The following VWA8 variants were observed in gnomAD, a reference collection of about 807,000 sequenced individuals.
The protein encoded by VWA8 is von Willebrand factor A domain-containing protein 8.
A neutral mutation model predicts 241.5 loss-of-function variants in VWA8; 221 were observed. That is an observed-to-expected ratio of 0.91 (90% confidence interval 0.82 to 1.02). The LOEUF (loss-of-function observed/expected upper bound fraction) is 1.02. Among genes scored for constraint, VWA8 ranks in the 50% least tolerant of loss-of-function variants. The probability of loss-of-function intolerance (pLI) is 0.00; values close to 1 mark genes in which losing one functional copy is unlikely to be tolerated. For missense variants in VWA8, 2,322 were observed against 2,328.7 expected (o/e 1.00, Z 0.06); for synonymous variants, 852 against 827.1 (o/e 1.03, Z -0.52).
intron 44 of VWA8, among the ~76,000 whole-genome samples, chr13:41,569,152 GC>G (rs1297109795): frequency 4.0e-5 from 6 of 151,640 alleles, no homozygotes; most frequent in Non-Finnish European, 7.3e-5. Context: ...TATTTGGCAT[GC>G]CTGGTAAGCC....
intron 23 of VWA8, among the ~76,000 whole-genome samples, chr13:41,728,190 T>C (rs1318104111): frequency 6.6e-6 from 1 of 152,088 alleles, no homozygotes; most frequent in African/African-American, 2.4e-5. Context: ...TTTCAGCATG[T>C]ACATATTCAT....
intron 19 of VWA8, among the ~76,000 whole-genome samples, chr13:41,780,116 T>C (rs745915307): frequency 1.3e-5 from 2 of 152,176 alleles, no homozygotes; most frequent in African/African-American, 4.8e-5. Context: ...ATTCATGGTA[T>C]GGGGCAGGTT....
chr13:41,608,430 C>A (rs1479646673), intron 39 of VWA8, among the ~76,000 whole-genome samples: 1 of 152,170 alleles, frequency 6.6e-6, no homozygotes, highest in Non-Finnish European at 1.5e-5. Flanking sequence ...GCTTCTTTAA[C>A]CCTGATCAAA....
chr13:41,690,377 T>C (rs1593699067), intron 32 of VWA8, 102 bp from the exon 33 acceptor site: 1 of 936,118 alleles, frequency 1.1e-6, no homozygotes, highest in Non-Finnish European at 1.6e-6. Context: ...CTCTTTTTTA[T>C]AGTTCCAGTA....
intron 39 of VWA8, 38 bp from the exon 40 acceptor site, chr13:41,605,314 T>A (rs1196158193): frequency 1.3e-5 from 21 of 1,598,744 alleles, no homozygotes; most frequent in Non-Finnish European, 1.6e-5. Flanking sequence ...ACAGCTTAAA[T>A]CACGTATATG....
At chr13:41,951,373 C>T (rs925477702) in intron 1 of VWA8, among the ~76,000 whole-genome samples, 2 of 152,178 alleles carry the variant, frequency 1.3e-5, no homozygotes, top group African/African-American at 4.8e-5. Context: ...GCCAAGATTA[C>T]GCCACTGCAC....
At chr13:41,881,032 C>T (rs562172937) in intron 9 of VWA8, among the ~76,000 whole-genome samples, 10 of 152,114 alleles carry the variant, frequency 6.6e-5, no homozygotes, top group Non-Finnish European at 1.5e-4. Context: ...GCATTTTACA[C>T]TTTAAAAGAG....
chr13:41,815,745 T>C (rs1870662609), intron 16 of VWA8, among the ~76,000 whole-genome samples: 1 of 152,232 alleles, frequency 6.6e-6, no homozygotes, highest in Non-Finnish European at 1.5e-5. Context: ...TGGTAACTTG[T>C]TACAATAGCA....
chr13:41,949,826 T>A (rs748428336), intron 2 of VWA8, 110 bp downstream of exon 2: 18 of 547,292 alleles, frequency 3.3e-5, no homozygotes, highest in Non-Finnish European at 4.9e-5. Context: ...TGAAGCTGGA[T>A]GATAAAATCA....
At chr13:41,680,357 A>G (rs1282975896) in intron 35 of VWA8, among the ~76,000 whole-genome samples, 1 of 152,162 alleles carries the variant, frequency 6.6e-6, no homozygotes, top group Non-Finnish European at 1.5e-5. Context: ...AGGCCTGTGC[A>G]TGGCTGTTAC....
chr13:41,925,419 C>CA (rs535826791), intron 2 of VWA8, among the ~76,000 whole-genome samples: 196 of 152,178 alleles, frequency 1.3e-3, no homozygotes, highest in African/African-American at 4.6e-3. Flanking sequence ...GGTTAAAAGT[C>CA]AATTCAGTCA....
intron 36 of VWA8, 45 bp downstream of exon 36, chr13:41,675,170 T>C (rs1487653729): frequency 2.1e-6 from 3 of 1,450,592 alleles, no homozygotes; most frequent in South Asian, 2.4e-5. Flanking sequence ...AATTTACTCA[T>C]TTTTTATGAC....
intron 20 of VWA8, among the ~76,000 whole-genome samples, chr13:41,766,223 CA>C (rs985108426): frequency 6.6e-6 from 1 of 152,104 alleles, no homozygotes; most frequent in Non-Finnish European, 1.5e-5. Flanking sequence ...GAGAGATTAG[CA>C]GTAAAATTCT....
At chr13:41,742,010 C>T (rs1593736395) in intron 21 of VWA8, among the ~76,000 whole-genome samples, 1 of 152,146 alleles carries the variant, frequency 6.6e-6, no homozygotes, top group East Asian at 1.9e-4. Context: ...GAGGAATAAG[C>T]ACATAGAAGT....
chr13:41,785,954 A>G (rs1167578286), intron 18 of VWA8, among the ~76,000 whole-genome samples: 1 of 152,122 alleles, frequency 6.6e-6, no homozygotes, highest in Non-Finnish European at 1.5e-5. Context: ...TTACGGCTTA[A>G]GGACAAGTTT....
chr13:41,850,932 A>G (rs955314199), intron 12 of VWA8, among the ~76,000 whole-genome samples: 1 of 152,240 alleles, frequency 6.6e-6, no homozygotes, highest in Non-Finnish European at 1.5e-5. Flanking sequence ...AAGAGAACAC[A>G]GGCTACTAAA....
At chr13:41,802,521 C>G (rs74324319) in intron 17 of VWA8, among the ~76,000 whole-genome samples, 2,871 of 152,304 alleles carry the variant, frequency 0.019, 96 homozygotes, top group African/African-American at 0.064. Flanking sequence ...ACAGCCAAGG[C>G]AGTGCTTGCA....
chr13:41,626,281 A>G (rs992674642), intron 37 of VWA8, among the ~76,000 whole-genome samples: 2 of 152,150 alleles, frequency 1.3e-5, no homozygotes, highest in Admixed American at 1.3e-4. Flanking sequence ...ACACAAACAA[A>G]TGGAAAAACA....
At chr13:41,573,559 C>T (rs925506202) in intron 43 of VWA8, among the ~76,000 whole-genome samples, 6 of 138,174 alleles carry the variant, frequency 4.3e-5, no homozygotes, top group East Asian at 4.0e-4. Flanking sequence ...AAAATATATA[C>T]ACGTATATAT....
Sources: allele counts gnomAD v4.1 joint callset (sites outside exome capture counted in the v4.1 genomes callset), GRCh38; gene constraint gnomAD v4.1.1; transcripts MANE v1.5; gene names NCBI Gene and HGNC (gene_info 2026-07-23, HGNC 2026-07-21).